Variants in TLN2 observed in about 807,000 individuals in gnomAD.
TLN2 encodes talin-2.
Under a neutral mutation model 294.7 loss-of-function variants are expected in TLN2, and 118 were observed. The ratio of observed to expected loss-of-function variants is 0.40; its 90% CI spans 0.34 to 0.47. TLN2 has a LOEUF of 0.47. Among genes scored for constraint, TLN2 ranks in the 20% least tolerant of loss-of-function variants. The pLI is 0.84. For missense variants in TLN2, 3,083 were observed against 3,282.2 expected (o/e 0.94, Z 1.48); for synonymous variants, 1,431 against 1,304.5 (o/e 1.10, Z -2.09).
Position 62,702,117 on chromosome 15 carries a change from G to A in TLN2, c.1822G>A (p.Gly608Arg), listed in dbSNP as rs369897555. The A allele has an allele frequency of 2.4e-5, 38 of 1,613,988 alleles. No homozygotes were observed. The highest frequency in any genetic ancestry group is 6.7e-5 in the East Asian group (3 of 44,902). ...CCTCATGGATGATGAGGTGGGCAGC[G>A]GGGAGGACTTGCTCAGAGCTGCCAG... is the stretch of plus-strand genomic sequence containing the variant. ...AALMDDEVGSGEDLLRAARTL... is the reference protein window; with the variant it reads ...AALMDDEVGSREDLLRAARTL... The change falls in exon 18 of 59, where the codon GGG becomes AGG. Residue 608 changes from glycine (G) to arginine (R), a missense_variant. Gly to Arg is a moderately radical substitution (Grantham distance 125). Transcript: ENST00000636159.
At chr15:62,683,401 T>C (rs2057005119) in intron 11 of TLN2, among the ~76,000 whole-genome samples, 1 of 152,108 alleles carries the variant, frequency 6.6e-6, no homozygotes, top group South Asian at 2.1e-4. Flanking sequence ...TATTAGCGAA[T>C]CCTGCCTCTC....
chr15:62,645,740 A>G (rs1353486776), intron 3 of TLN2, among the ~76,000 whole-genome samples: 2 of 152,018 alleles, frequency 1.3e-5, no homozygotes, highest in African/African-American at 4.8e-5. Flanking sequence ...CAGGTTTACT[A>G]CCTGCAGGTT....
At chr15:62,392,608 G>C (rs2032191147) in intron 1 of TLN2, among the ~76,000 whole-genome samples, 1 of 152,170 alleles carries the variant, frequency 6.6e-6, no homozygotes, top group Non-Finnish European at 1.5e-5. Flanking sequence ...GCACGGGCGT[G>C]TTTGCCAACC....
At chr15:62,562,247 GT>G (rs2043028855) in intron 1 of TLN2, among the ~76,000 whole-genome samples, 2 of 152,088 alleles carry the variant, frequency 1.3e-5, no homozygotes, top group Admixed American at 1.3e-4. Flanking sequence ...ATTTTGGTTT[GT>G]TTTTACCCAT....
intron 21 of TLN2, among the ~76,000 whole-genome samples, chr15:62,709,728 TTTTTTCTTTTTTC>T (rs2059302348): frequency 7.8e-6 from 1 of 128,380 alleles, no homozygotes. Context: ...TTTTTTTTTC[TTTTTTCTTTTTTC>T]TTTTTCTTTT....
intron 9 of TLN2, among the ~76,000 whole-genome samples, chr15:62,662,428 C>T (rs76561687): frequency 6.6e-6 from 1 of 152,074 alleles, no homozygotes; most frequent in Admixed American, 6.6e-5. Flanking sequence ...AACTGTAATA[C>T]CAAAATGAAT....
chr15:62,455,287 T>TG (rs1236307226), intron 1 of TLN2, among the ~76,000 whole-genome samples: 4 of 151,830 alleles, frequency 2.6e-5, no homozygotes, highest in Non-Finnish European at 5.9e-5. Flanking sequence ...GGGGACGTGA[T>TG]GGGGAACTCA....
At chr15:62,719,996 A>G (rs1283411288) in intron 25 of TLN2, 116 bp downstream of exon 25, 1 of 707,094 alleles carries the variant, frequency 1.4e-6, no homozygotes, top group Non-Finnish European at 2.1e-6. Flanking sequence ...TGCGGTAGGC[A>G]GGGCTTGAAG....
intron 1 of TLN2, among the ~76,000 whole-genome samples, chr15:62,554,712 C>T (rs1273138566): frequency 6.6e-6 from 1 of 152,108 alleles, no homozygotes; most frequent in African/African-American, 2.4e-5. Flanking sequence ...AGGGGATAAG[C>T]CACCCAGTAC....
chr15:62,487,801 G>A (rs1390391258), intron 1 of TLN2, among the ~76,000 whole-genome samples: 1 of 152,192 alleles, frequency 6.6e-6, no homozygotes, highest in African/African-American at 2.4e-5. Flanking sequence ...TACTTGGGAG[G>A]CTGAGGCAGG....
intron 42 of TLN2, among the ~76,000 whole-genome samples, chr15:62,773,639 CT>C (rs2063497631): frequency 6.6e-6 from 1 of 152,218 alleles, no homozygotes; most frequent in South Asian, 2.1e-4. Flanking sequence ...TTATATATCC[CT>C]GTTTGCAGAA....
chr15:62,570,221 C>T (rs1009428438), intron 1 of TLN2, among the ~76,000 whole-genome samples: 1 of 152,186 alleles, frequency 6.6e-6, no homozygotes, highest in Non-Finnish European at 1.5e-5. Context: ...GACCACATTC[C>T]CCCGCCTCAC....
chr15:62,621,318 C>G lies in TLN2; in HGVS notation c.-37+2843C>G, dbSNP rs529421463. 2.0e-5 allele frequency among the ~76,000 whole-genome samples: 3 copies of G among 152,198 alleles called. No individual in the cohort carries two copies. In the South Asian group the frequency reaches 6.2e-4, roughly 32 times the overall value. On this transcript the variant is annotated intron_variant, in intron 3 of 58. Coordinates refer to ENST00000636159, the MANE Select transcript of TLN2 (RefSeq NM_015059.3). ...ATGGCTGTGTCCTTTGGAAAGTTTA[C>G]TGGGAAACATAGCATTTGGGGCACA...
chr15:62,774,827 G>A lies in TLN2; in HGVS notation c.5368-1937G>A, dbSNP rs143760140. ...AGTTCAAAAAGTTTTGTGATTTACT[G>A]CTGCACCCAAAGTTTGCTTCTGAAC... On this transcript the variant is annotated intron_variant, in intron 42 of 58. Coordinates refer to ENST00000636159, the MANE Select transcript of TLN2 (RefSeq NM_015059.3). Among the ~76,000 whole-genome samples, 211 of 152,214 alleles carry A rather than the reference G, an allele frequency of 1.4e-3. 3 individuals carry two copies. Among genetic ancestry groups the A allele is most frequent in the African/African-American group, 4.9e-3 (204 of 41,538 alleles).
intron 1 of TLN2, among the ~76,000 whole-genome samples, chr15:62,576,595 ATTT>A (rs3055751): frequency 0.25 from 25,881 of 102,590 alleles, 2,705 homozygotes; most frequent in East Asian, 0.3. Context: ...ATTGCTCTGT[ATTT>A]TTTTTTTTTT....
In TLN2 at chr15:62,736,952, A is replaced by G. The variant is rs780892222; in HGVS notation, c.3433A>G (p.Thr1145Ala). The change falls in exon 29 of 59, where the codon ACC becomes GCC. Residue 1145 changes from threonine to alanine, a missense_variant. Physicochemically the swap from Thr to Ala is moderately conservative, Grantham distance 58. Coordinates refer to ENST00000636159, the MANE Select transcript of TLN2 (RefSeq NM_015059.3). ...QAARGVAAST[T>A]DPAAAHAMLD... ...CGCCCGTGGAGTGGCTGCATCGACA[A>G]CCGACCCCGCGGCCGCCCATGCCAT... The G allele has an allele frequency of 3.7e-6, 6 of 1,614,046 alleles. No homozygotes were observed. Among genetic ancestry groups the G allele is most frequent in the Non-Finnish European group, 2.5e-6 (3 of 1,180,048 alleles).
intron 2 of TLN2, among the ~76,000 whole-genome samples, chr15:62,608,978 G>A (rs751416871): frequency 7.2e-5 from 11 of 152,016 alleles, no homozygotes; most frequent in Admixed American, 3.9e-4. Context: ...GAGAATTCCC[G>A]TAGGCATTGA....
At chr15:62,524,847 A>G (rs7171486) in intron 1 of TLN2, among the ~76,000 whole-genome samples, 66,360 of 152,004 alleles carry the variant, frequency 0.44, 15,421 homozygotes, top group African/African-American at 0.6. Flanking sequence ...AGTTCCCCCA[A>G]CAAATGAATA....
chr15:62,503,116 G>A (rs16945191), intron 1 of TLN2, among the ~76,000 whole-genome samples: 33 of 152,170 alleles, frequency 2.2e-4, no homozygotes, highest in Admixed American at 4.6e-4. Context: ...CTACAACAGC[G>A]TCAACAAGTT....
Sources: allele counts gnomAD v4.1 joint callset (sites outside exome capture counted in the v4.1 genomes callset), GRCh38; gene constraint gnomAD v4.1.1; transcripts MANE v1.5; gene names NCBI Gene and HGNC (gene_info 2026-07-23, HGNC 2026-07-21).